RPS6KC1: variants seen among roughly 807,000 people sequenced by gnomAD.
RPS6KC1 encodes the protein inactive ribosomal protein S6 kinase delta-1.
Under a neutral mutation model 103.8 loss-of-function variants are expected in RPS6KC1, and 54 were observed. The observed-to-expected ratio is 0.52, with a 90% confidence interval of 0.42 to 0.65. RPS6KC1 has a LOEUF of 0.65. Among genes scored for constraint, RPS6KC1 ranks in the 30% least tolerant of loss-of-function variants. RPS6KC1 has a pLI of 0.00. For missense variants in RPS6KC1, 1,151 were observed against 1,253.8 expected (o/e 0.92, Z 1.24); for synonymous variants, 439 against 438.7 (o/e 1.00, Z -0.01).
At chr1:213,242,425 A>AC (rs1294596721) in intron 11 of RPS6KC1, 128 bp downstream of exon 11, 10 of 1,181,470 alleles carry the variant, frequency 8.5e-6, no homozygotes, top group African/African-American at 1.5e-5. Context: ...CAGCAAATTC[A>AC]CCCCCAGTAA....
chr1:213,773,668 G>C, the RPS6KC1 span, among the ~76,000 whole-genome samples: 3 of 151,996 alleles, frequency 2.0e-5, no homozygotes. Flanking sequence ...GGGCTGCCAG[G>C]TGGGCAGTGC....
chr1:213,175,603 A>G (rs2148286658), intron 7 of RPS6KC1, among the ~76,000 whole-genome samples: 1 of 152,342 alleles, frequency 6.6e-6, no homozygotes, highest in South Asian at 2.1e-4. Flanking sequence ...ACTGATAGGG[A>G]AAAACTAAAA....
chr1:213,852,216 T>C, the RPS6KC1 span, among the ~76,000 whole-genome samples: 1 of 152,220 alleles, frequency 6.6e-6, no homozygotes, highest in African/African-American at 2.4e-5. Flanking sequence ...CCATTGCCCT[T>C]GAGATACAGT....
intron 5 of RPS6KC1, among the ~76,000 whole-genome samples, chr1:213,118,790 A>C (rs545310247): frequency 5.6e-4 from 85 of 152,200 alleles, no homozygotes; most frequent in Middle Eastern, 3.4e-3. Flanking sequence ...AGGGGTCTTC[A>C]CTGAGTTCTC....
rs370278907 is a variant in RPS6KC1 at position 213,174,670 on chromosome 1, CAAAAAAAAAAA to C, written c.952-1718_952-1708del. Reference sequence around the variant, plus strand: ...GGGCGACAAGAGCGAAACTCCATCTCAAAAAAAAAAAAAAAAAAAAAAGAGGTTATTGCTAT... The same window carrying C: ...GGGCGACAAGAGCGAAACTCCATCTCAAAAAAAAAAAGAGGTTATTGCTAT... On this transcript the variant is annotated intron_variant, in intron 7 of 14. Transcript: ENST00000366960. 2.8e-4 allele frequency among the ~76,000 whole-genome samples: 12 copies of C among 43,390 alleles called. No homozygotes were observed. The East Asian group carries it at 4.3e-3, about 16-fold the overall frequency. 28.5% of individuals were successfully genotyped at this position (43,390 alleles called of 152,430 possible). A position where few individuals can be genotyped will look rare whatever the true frequency, so the allele number is the denominator to read the frequency against.
chr1:213,800,890 A>G, the RPS6KC1 span, among the ~76,000 whole-genome samples: 2 of 152,088 alleles, frequency 1.3e-5, no homozygotes, highest in East Asian at 3.9e-4. Context: ...ATTTCTTTCC[A>G]CACCAGTGAT....
chr1:213,690,028 G>A, the RPS6KC1 span, among the ~76,000 whole-genome samples: 2 of 152,026 alleles, frequency 1.3e-5, no homozygotes, highest in African/African-American at 4.8e-5. Context: ...TCTAAGCATG[G>A]CCCCCAGCAT....
At chr1:213,821,391 A>G in the RPS6KC1 span, 1 of 152,282 alleles carries the variant, frequency 6.6e-6, no homozygotes, top group Non-Finnish European at 1.5e-5. Context: ...GGAAGCAGAC[A>G]CTGGAGAGAA....
At chr1:213,764,154 C>T in the RPS6KC1 span, among the ~76,000 whole-genome samples, 12 of 152,212 alleles carry the variant, frequency 7.9e-5, no homozygotes, top group Non-Finnish European at 1.6e-4. Flanking sequence ...GGTTTATCAC[C>T]TTCATGCACT....
chr1:213,233,961 C>T (rs2094162472), intron 10 of RPS6KC1, among the ~76,000 whole-genome samples: 1 of 150,986 alleles, frequency 6.6e-6, no homozygotes, highest in Non-Finnish European at 1.5e-5. Context: ...TGAGCATGTA[C>T]TGTAGAGTAG....
At chr1:213,615,213 A>C in the RPS6KC1 span, among the ~76,000 whole-genome samples, 10 of 152,214 alleles carry the variant, frequency 6.6e-5, no homozygotes, top group Non-Finnish European at 1.0e-4. Context: ...ACACACCTTC[A>C]GCTCCCCCAA....
chr1:213,680,636 C>CT, the RPS6KC1 span, among the ~76,000 whole-genome samples: 2,924 of 152,190 alleles, frequency 0.019, 97 homozygotes, highest in African/African-American at 0.064. Context: ...CCTAAAGCGC[C>CT]TTTTTTATAC....
At chr1:213,375,637 A>T in the RPS6KC1 span, among the ~76,000 whole-genome samples, 1 of 152,196 alleles carries the variant, frequency 6.6e-6, no homozygotes, top group African/African-American at 2.4e-5. Flanking sequence ...TTTTGGTTAT[A>T]AGTGACAGAA....
At chr1:213,571,421 C>G in the RPS6KC1 span, among the ~76,000 whole-genome samples, 5 of 152,056 alleles carry the variant, frequency 3.3e-5, no homozygotes, top group African/African-American at 2.4e-5. Context: ...TTCAAAACAC[C>G]TTGTAGATGG....
At chr1:213,852,592 C>T in the RPS6KC1 span, among the ~76,000 whole-genome samples, 9 of 152,146 alleles carry the variant, frequency 5.9e-5, no homozygotes, top group African/African-American at 2.2e-4. Context: ...AGTACACAAG[C>T]TTGTTATGGC....
At chr1:213,487,616 G>C in the RPS6KC1 span, among the ~76,000 whole-genome samples, 441 of 152,112 alleles carry the variant, frequency 2.9e-3, 1 homozygote, top group Non-Finnish European at 4.2e-3. Context: ...CCCTTACAGG[G>C]GGGCATAGTG....
the RPS6KC1 span, among the ~76,000 whole-genome samples, chr1:213,736,094 G>T: frequency 6.6e-6 from 1 of 152,208 alleles, no homozygotes; most frequent in Non-Finnish European, 1.5e-5. Flanking sequence ...CCCTGGATGA[G>T]CTAACACAGG....
At chr1:213,399,023 T>G in the RPS6KC1 span, among the ~76,000 whole-genome samples, 1 of 152,196 alleles carries the variant, frequency 6.6e-6, no homozygotes, top group African/African-American at 2.4e-5. Context: ...AAGGAGATTC[T>G]AATCCCAAGA....
At chr1:213,598,835 C>A in the RPS6KC1 span, among the ~76,000 whole-genome samples, 10 of 152,078 alleles carry the variant, frequency 6.6e-5, no homozygotes, top group Non-Finnish European at 1.5e-4. Context: ...GCAGAAGAAT[C>A]GCTTGAACCT....
Sources: allele counts gnomAD v4.1 joint callset (sites outside exome capture counted in the v4.1 genomes callset), GRCh38; gene constraint gnomAD v4.1.1; transcripts MANE v1.5; gene names NCBI Gene and HGNC (gene_info 2026-07-23, HGNC 2026-07-21).